The following CYRIA variants were observed in gnomAD, a reference collection of about 807,000 sequenced individuals.
The protein encoded by CYRIA is CYFIP-related Rac1 interactor A.
CYRIA carries 15 observed loss-of-function variants against 43.9 expected under a neutral mutation model. The observed-to-expected ratio is 0.34, with a 90% CI of 0.23 to 0.53. The LOEUF is 0.53. CYRIA is among the 20% of genes least tolerant of loss of function. The pLI, the probability that CYRIA is intolerant of heterozygous loss-of-function variation, is 0.94. For missense variants in CYRIA, 236 were observed against 394.2 expected, an observed-to-expected ratio of 0.60 and a Z score of 3.40; for synonymous variants, 117 against 136.0, an observed-to-expected ratio of 0.86 and a Z score of 0.97.
At chr2:16,584,294 C>T (rs73211550) in intron 3 of CYRIA, among the ~76,000 whole-genome samples, 5,006 of 152,194 alleles carry the variant, frequency 0.033, 252 homozygotes, top group African/African-American at 0.097. Flanking sequence ...CTTGTGACTG[C>T]CTGGATAGAG....
intron 3 of CYRIA, among the ~76,000 whole-genome samples, chr2:16,583,596 C>G (rs1452556352): frequency 3.3e-5 from 5 of 152,124 alleles, no homozygotes. Flanking sequence ...GCCTACTGCC[C>G]AAGTTGGGTG....
chr2:16,585,526 T>G (rs1032689313), intron 3 of CYRIA, among the ~76,000 whole-genome samples: 1 of 152,194 alleles, frequency 6.6e-6, no homozygotes, highest in Non-Finnish European at 1.5e-5. Flanking sequence ...TTTACAAATT[T>G]ATAGTTCTAT....
rs1336458509 is a variant in CYRIA, at chr2:16,560,695, C to T, written c.710+295G>A. On this transcript the variant is annotated intron_variant, in intron 9 of 11. Transcript: ENST00000381323. Reference sequence around the variant, plus strand: ...GATGTCCCATCATTTAACACACCCTCCATTTGGTTCTTACAGATCTTCTAC... The same window carrying T: ...GATGTCCCATCATTTAACACACCCTTCATTTGGTTCTTACAGATCTTCTAC... The T allele has an allele frequency of 1.2e-5, 5 of 428,292 alleles. No individual in the cohort carries two copies. In the Admixed American group the frequency reaches 1.8e-4, roughly 15 times the overall value. 26.5% of individuals were successfully genotyped at this position (428,292 alleles called of 1,614,324 possible).
chr2:16,639,363 A>G (rs1669605590), intron 1 of CYRIA, among the ~76,000 whole-genome samples: 1 of 152,274 alleles, frequency 6.6e-6, no homozygotes, highest in African/African-American at 2.4e-5. Context: ...ATAGATAGGC[A>G]AAGAATATCT....
chr2:16,557,865 G>A (rs550039888), intron 10 of CYRIA, among the ~76,000 whole-genome samples: 2 of 152,242 alleles, frequency 1.3e-5, no homozygotes, highest in Admixed American at 6.5e-5. Context: ...AATATCTTAT[G>A]AGTCTCAGGT....
chr2:16,556,722 G>T lies in CYRIA; in HGVS notation c.838-1583C>A, dbSNP rs190814972. Among the ~76,000 whole-genome samples, 9 of 152,240 alleles carry T rather than the reference G, an allele frequency of 5.9e-5. No individual in the cohort carries two copies. In the East Asian group the frequency reaches 1.7e-3, roughly 29 times the overall value. On this transcript the variant is annotated intron_variant, in intron 10 of 11. Coordinates refer to ENST00000381323, the MANE Select transcript of CYRIA (RefSeq NM_030797.4). ...GACCAGAAGGAAGCAAGAACAGAGA[G>T]AGAAGGGGCAGTGAGAGCCCCTGAG...
At chr2:16,582,063 G>T (rs1667570540) in intron 3 of CYRIA, among the ~76,000 whole-genome samples, 1 of 152,192 alleles carries the variant, frequency 6.6e-6, no homozygotes, top group Non-Finnish European at 1.5e-5. Flanking sequence ...TAGGTAGACT[G>T]CCTGGGAAGG....
rs539280846 is a variant in CYRIA, at chr2:16,550,885, A to G, written c.*2051T>C. 1 of 152,266 alleles carries G rather than the reference A, an allele frequency of 6.6e-6. No individual in the cohort carries two copies. Among genetic ancestry groups the G allele is most frequent in the South Asian group, 2.1e-4 (1 of 4,830 alleles). 9.4% of individuals were successfully genotyped at this position (152,266 alleles called of 1,614,324 possible). On this transcript the variant is annotated 3_prime_UTR_variant, in exon 12 of 12. Coordinates refer to ENST00000381323, the MANE Select transcript of CYRIA (RefSeq NM_030797.4). ...TTTCTAGCCTAGACAATTGTTGCTC[A>G]AGTGTAACATGTGACTGCCAAATAG...
intron 1 of CYRIA, among the ~76,000 whole-genome samples, chr2:16,629,854 T>C (rs34059032): frequency 0.13 from 19,656 of 152,084 alleles, 1,909 homozygotes; most frequent in East Asian, 0.51. Flanking sequence ...TATGACTATA[T>C]GTTATAATGT....
intron 1 of CYRIA, among the ~76,000 whole-genome samples, chr2:16,661,419 A>T (rs143494631): frequency 6.6e-6 from 1 of 152,310 alleles, no homozygotes; most frequent in Non-Finnish European, 1.5e-5. Context: ...TCAATCATAA[A>T]ATCTTGGCCT....
rs1043185668 is a variant in CYRIA, at chr2:16,550,063, G to A, written c.*2873C>T. 2 of 149,438 alleles carry A rather than the reference G, an allele frequency of 1.3e-5. No individual in the cohort carries two copies. The highest frequency in any genetic ancestry group is 4.9e-5 in the African/African-American group (2 of 40,534). 9.3% of individuals were successfully genotyped at this position (149,438 alleles called of 1,614,324 possible). On this transcript the variant is annotated 3_prime_UTR_variant, in exon 12 of 12. Transcript: ENST00000381323. ...TGCACAACGAGTTTCTGAGAACACA[G>A]TAATAACGCCAAAGTAGCAGTGCAT... is the stretch of plus-strand genomic sequence containing the variant.
At chr2:16,628,705 G>A (rs1244006890) in intron 1 of CYRIA, among the ~76,000 whole-genome samples, 12 of 152,158 alleles carry the variant, frequency 7.9e-5, no homozygotes, top group Admixed American at 7.2e-4. Flanking sequence ...GCAGTCACCC[G>A]AATACAATCC....
chr2:16,634,395 A>G (rs963420100), intron 1 of CYRIA, among the ~76,000 whole-genome samples: 3 of 152,174 alleles, frequency 2.0e-5, no homozygotes, highest in African/African-American at 7.2e-5. Flanking sequence ...CAGTAGACAC[A>G]TCTGATGGTA....
chr2:16,652,551 G>T (rs1670004262), intron 1 of CYRIA, among the ~76,000 whole-genome samples: 1 of 152,178 alleles, frequency 6.6e-6, no homozygotes, highest in Non-Finnish European at 1.5e-5. Flanking sequence ...GCCAGGGGAG[G>T]TTCTTTTCCT....
At chr2:16,613,008 T>C (rs1668658214) in intron 2 of CYRIA, among the ~76,000 whole-genome samples, 1 of 152,214 alleles carries the variant, frequency 6.6e-6, no homozygotes, top group South Asian at 2.1e-4. Flanking sequence ...CCGTGTAAGA[T>C]GTGACTTTGC....
chr2:16,645,108 A>G (rs1038517300), intron 1 of CYRIA, among the ~76,000 whole-genome samples: 13 of 152,228 alleles, frequency 8.5e-5, no homozygotes, highest in African/African-American at 9.6e-5. Context: ...AGGCGAGCAG[A>G]AGTGATCCAT....
In CYRIA at chr2:16,549,605, T is replaced by C. The variant is rs1201047141; in HGVS notation, c.*3331A>G. On this transcript the variant is annotated 3_prime_UTR_variant, in exon 12 of 12. Transcript: ENST00000381323. Reference sequence around the variant, plus strand: ...AACAGCCTTGGGTCTGTAATGGCCTTTATAGACGTAGTGAGAAAACTGGGT... The same window carrying C: ...AACAGCCTTGGGTCTGTAATGGCCTCTATAGACGTAGTGAGAAAACTGGGT... 1.3e-5 allele frequency: 2 copies of C among 152,118 alleles called. No homozygotes were observed. Among genetic ancestry groups the C allele is most frequent in the East Asian group, 3.9e-4 (2 of 5,188 alleles). 9.4% of individuals were successfully genotyped at this position (152,118 alleles called of 1,614,324 possible).
chr2:16,583,846 C>T (rs1265682822), intron 3 of CYRIA, among the ~76,000 whole-genome samples: 1 of 152,106 alleles, frequency 6.6e-6, no homozygotes, highest in East Asian at 1.9e-4. Flanking sequence ...AATGTGAATA[C>T]AAAGTATATA....
intron 1 of CYRIA, among the ~76,000 whole-genome samples, chr2:16,632,510 C>T (rs1186770984): frequency 6.6e-6 from 1 of 152,144 alleles, no homozygotes; most frequent in Non-Finnish European, 1.5e-5. Context: ...TGATATATCG[C>T]TCATACTATT....
Sources: gnomAD v4.1 joint callset for allele counts (sites outside exome capture counted in the v4.1 genomes callset) on GRCh38, gnomAD v4.1.1 for gene constraint, MANE v1.5 for transcripts, NCBI Gene and HGNC (gene_info 2026-07-23, HGNC 2026-07-21) for gene names.